The following ZC3H12B variants were observed in gnomAD, a reference collection of about 807,000 sequenced individuals.
ZC3H12B encodes the protein zinc finger CCCH-type containing 12B, also known as probable ribonuclease ZC3H12B.
ZC3H12B carries 7 observed loss-of-function variants against 43.9 expected under a neutral mutation model. The ratio of observed to expected loss-of-function variants is 0.16; its 90% confidence interval spans 0.09 to 0.30. ZC3H12B has a LOEUF of 0.30. Among genes scored for constraint, ZC3H12B ranks in the 10% least tolerant of loss-of-function variants. The pLI is 1.00. For missense variants in ZC3H12B, 475 were observed against 670.2 expected (o/e 0.71, Z 3.22); for synonymous variants, 222 against 241.7 (o/e 0.92, Z 0.76).
chrX:65,143,250 T>G, the ZC3H12B span, among the ~76,000 whole-genome samples: 7 of 111,362 alleles, frequency 6.3e-5, no homozygotes, highest in Non-Finnish European at 1.1e-4. Flanking sequence ...AAGGTTTTTT[T>G]GTTTCTTTGT....
the ZC3H12B span, among the ~76,000 whole-genome samples, chrX:65,122,451 C>T: frequency 5.4e-5 from 6 of 111,032 alleles, no homozygotes; most frequent in African/African-American, 6.5e-5. Context: ...TAAAGACCAT[C>T]GAGGCTAGGA....
At chrX:65,241,791 C>G in the ZC3H12B span, among the ~76,000 whole-genome samples, 114 of 111,731 alleles carry the variant, frequency 1.0e-3, no homozygotes, top group African/African-American at 3.4e-3. Context: ...TTGTGAGGTA[C>G]CATGGAGGTG....
chrX:65,458,121 C>T (rs1239464966), intron 3 of ZC3H12B, among the ~76,000 whole-genome samples: 1 of 64,866 alleles, frequency 1.5e-5, no homozygotes, highest in Admixed American at 1.7e-4. Context: ...AAGGCCATTA[C>T]ATAATGGTAA....
At chrX:65,329,345 T>C in the ZC3H12B span, among the ~76,000 whole-genome samples, 1 of 111,467 alleles carries the variant, frequency 9.0e-6, no homozygotes, top group Non-Finnish European at 1.9e-5. Context: ...CATAAATGTC[T>C]TCTTTTGAGA....
the ZC3H12B span, among the ~76,000 whole-genome samples, chrX:65,225,342 A>G: frequency 1.8e-5 from 2 of 112,355 alleles, no homozygotes; most frequent in Non-Finnish European, 3.8e-5. Flanking sequence ...AAACTAACAA[A>G]CAGAAAAGAC....
chrX:65,224,254 G>T, the ZC3H12B span, among the ~76,000 whole-genome samples: 76 of 112,787 alleles, frequency 6.7e-4, 1 homozygote, highest in East Asian at 0.013. Context: ...CTATGAGGAT[G>T]CAAAGACATA....
chrX:65,239,243 A>G, the ZC3H12B span, among the ~76,000 whole-genome samples: 1 of 111,170 alleles, frequency 9.0e-6, no homozygotes, highest in Non-Finnish European at 1.9e-5. Flanking sequence ...TTGCTTTATG[A>G]ATCTTGGTCC....
intron 2 of ZC3H12B, among the ~76,000 whole-genome samples, chrX:65,382,037 G>T (rs956193939): frequency 8.9e-6 from 1 of 111,932 alleles, no homozygotes; most frequent in African/African-American, 3.3e-5. Context: ...GGAGGAACTG[G>T]TACCATTCCT....
At chrX:65,192,379 C>T in the ZC3H12B span, among the ~76,000 whole-genome samples, 1 of 111,264 alleles carries the variant, frequency 9.0e-6, no homozygotes, top group African/African-American at 3.3e-5. Context: ...TTGGGACATT[C>T]AGTACCATTT....
At chrX:65,155,060 A>G in the ZC3H12B span, among the ~76,000 whole-genome samples, 1 of 108,292 alleles carries the variant, frequency 9.2e-6, no homozygotes, top group Non-Finnish European at 1.9e-5. Context: ...AGCTCAAGCC[A>G]TCCTCCCACC....
At chrX:65,228,146 C>T in the ZC3H12B span, among the ~76,000 whole-genome samples, 43 of 111,795 alleles carry the variant, frequency 3.8e-4, no homozygotes, top group South Asian at 7.5e-4. Context: ...AAAATACTGG[C>T]AAACCGAATC....
At chrX:65,484,569 G>A (rs566886209), upstream of ZC3H12B, among the ~76,000 whole-genome samples, 25 of 112,024 alleles carry the variant, frequency 2.2e-4, no homozygotes, top group African/African-American at 8.1e-4. Context: ...GGCGGGAAGG[G>A]CAGCTGTCTA....
chrX:65,080,210 C>T, the ZC3H12B span, among the ~76,000 whole-genome samples: 1 of 103,486 alleles, frequency 9.7e-6, no homozygotes, highest in Non-Finnish European at 2.0e-5. Flanking sequence ...AACAATGAAG[C>T]ACACCTATGG....
chrX:65,307,906 G>A, the ZC3H12B span, among the ~76,000 whole-genome samples: 1 of 111,998 alleles, frequency 8.9e-6, no homozygotes, highest in Non-Finnish European at 1.9e-5. Context: ...AGCAGTGAAA[G>A]CCAAAAGACA....
the ZC3H12B span, among the ~76,000 whole-genome samples, chrX:65,123,385 C>G: frequency 1.8e-5 from 2 of 111,076 alleles, no homozygotes; most frequent in African/African-American, 6.5e-5. Context: ...TTCTAAAATT[C>G]TCTTTTTGTG....
intron 3 of ZC3H12B, among the ~76,000 whole-genome samples, chrX:65,478,668 G>A (rs2068026944): frequency 8.9e-6 from 1 of 112,298 alleles, no homozygotes; most frequent in African/African-American, 3.2e-5. Context: ...TTTGCCAAGA[G>A]GCTTTGCATG....
At chrX:65,385,202 C>A (rs932458826) in intron 2 of ZC3H12B, among the ~76,000 whole-genome samples, 1 of 111,826 alleles carries the variant, frequency 8.9e-6, no homozygotes, top group Admixed American at 9.5e-5. Flanking sequence ...ATTGGTAGCA[C>A]GATGGGGATG....
chrX:65,101,076 T>A, the ZC3H12B span, among the ~76,000 whole-genome samples: 1 of 111,839 alleles, frequency 8.9e-6, no homozygotes, highest in African/African-American at 3.3e-5. Context: ...AAATTAGGAC[T>A]CAGGATTAAG....
At chrX:65,459,440 T>C (rs1247939274) in intron 3 of ZC3H12B, among the ~76,000 whole-genome samples, 1 of 111,551 alleles carries the variant, frequency 9.0e-6, no homozygotes, top group Non-Finnish European at 1.9e-5. Context: ...CTGATGAACA[T>C]TGATGCAAAA....
Sources: allele counts gnomAD v4.1 joint callset (sites outside exome capture counted in the v4.1 genomes callset), GRCh38; gene constraint gnomAD v4.1.1; transcripts MANE v1.5; gene names NCBI Gene and HGNC (gene_info 2026-07-23, HGNC 2026-07-21).